RALGAPA2: variants seen among roughly 807,000 people sequenced by gnomAD.
RALGAPA2 encodes the protein ral GTPase-activating protein subunit alpha-2.
RALGAPA2 carries 139 observed loss-of-function variants against 230.4 expected under a neutral mutation model. The observed-to-expected ratio is 0.60, with a 90% confidence interval of 0.53 to 0.69. The LOEUF (loss-of-function observed/expected upper bound fraction) is 0.69, where lower values mean the gene tolerates loss of function less well. RALGAPA2 is among the 30% of genes least tolerant of loss of function. RALGAPA2 has a pLI of 0.00. For missense variants in RALGAPA2, 2,163 were observed against 2,276.0 expected, an observed-to-expected ratio of 0.95 and a Z score of 1.01; for synonymous variants, 847 against 837.8, an observed-to-expected ratio of 1.01 and a Z score of -0.19.
intron 16 of RALGAPA2, among the ~76,000 whole-genome samples, chr20:20,600,884 G>C (rs934846006): frequency 1.3e-5 from 2 of 152,120 alleles, no homozygotes; most frequent in African/African-American, 4.8e-5. Flanking sequence ...GGCAGATCAC[G>C]AGGTCAGGAA....
Position 20,512,728 on chromosome 20 carries a change from T to C in RALGAPA2, c.4641A>G (p.Leu1547=). ...GGTCATAGTTCATGCCACATGGGGT[T>C]AGGGAAGGTTCATTTAGATTTAGCT... is the stretch of plus-strand genomic sequence containing the variant. ...PSQLNLNEPS[L]TPCGMNYDQE... is the part of the protein sequence containing the mutation. Residue 1547 remains leucine, a synonymous_variant, in exon 32 of 40, where the codon CTA becomes CTG. Transcript: ENST00000202677. 3.7e-6 allele frequency: 6 copies of C among 1,613,912 alleles called. No individual in the cohort carries two copies. The highest frequency in any genetic ancestry group is 5.1e-6 in the Non-Finnish European group (6 of 1,179,790).
intron 4 of RALGAPA2, among the ~76,000 whole-genome samples, chr20:20,643,889 C>T (rs1231233080): frequency 6.6e-6 from 1 of 151,764 alleles, no homozygotes; most frequent in Non-Finnish European, 1.5e-5. Context: ...AAAACAATTG[C>T]TCACAAAACA....
intron 16 of RALGAPA2, among the ~76,000 whole-genome samples, chr20:20,597,517 C>T (rs767789613): frequency 2.0e-5 from 3 of 152,014 alleles, no homozygotes; most frequent in Non-Finnish European, 4.4e-5. Context: ...TTTTGCTTTG[C>T]TAAAACACAG....
intron 12 of RALGAPA2, among the ~76,000 whole-genome samples, chr20:20,616,470 G>A (rs2066145011): frequency 6.6e-6 from 1 of 152,092 alleles, no homozygotes. Context: ...GAAATTTTAT[G>A]AGTCAGAAAA....
At chr20:20,566,954 T>C (rs1447550487) in intron 23 of RALGAPA2, among the ~76,000 whole-genome samples, 2 of 152,192 alleles carry the variant, frequency 1.3e-5, no homozygotes, top group African/African-American at 4.8e-5. Flanking sequence ...AAACACAATA[T>C]TATAGATGAA....
chr20:20,614,016 G>A (rs2066057613), intron 13 of RALGAPA2, among the ~76,000 whole-genome samples: 3 of 152,228 alleles, frequency 2.0e-5, no homozygotes, highest in Admixed American at 1.3e-4. Context: ...TACATAGTTC[G>A]CCACTATATT....
At chr20:20,618,494 C>T (rs902680197) in intron 12 of RALGAPA2, among the ~76,000 whole-genome samples, 1 of 151,748 alleles carries the variant, frequency 6.6e-6, no homozygotes, top group African/African-American at 2.4e-5. Context: ...AAAAAGGATA[C>T]CACGAAAATG....
chr20:20,445,015 A>G (rs1302984324), intron 37 of RALGAPA2, among the ~76,000 whole-genome samples: 6 of 152,238 alleles, frequency 3.9e-5, no homozygotes, highest in Non-Finnish European at 8.8e-5. Flanking sequence ...ATTTTACTCA[A>G]TAATGTCCCC....
chr20:20,579,908 T>C (rs1308941697), intron 20 of RALGAPA2, among the ~76,000 whole-genome samples: 1 of 152,200 alleles, frequency 6.6e-6, no homozygotes, highest in Non-Finnish European at 1.5e-5. Context: ...TTTTATCTTC[T>C]GTTCCATCCG....
rs569249161 is a variant in RALGAPA2, at chr20:20,402,610, C to T, written c.5618-5876G>A. Among the ~76,000 whole-genome samples, 12 of 152,310 alleles carry T rather than the reference C, an allele frequency of 7.9e-5. 1 individual carries two copies. The South Asian group carries it at 2.3e-3, about 29-fold the overall frequency. On this transcript the variant is annotated intron_variant, in intron 38 of 39. Transcript: ENST00000202677. The stretch of plus-strand genomic sequence containing the variant: ...CACCGCTGAGGGCCCCTCTAGTGCC[C>T]CCCAGGGAATGTTCAGGCAGAACAC...
rs1300536666 is a variant in RALGAPA2, at chr20:20,563,210, TA to T, written c.3156+8247del. 2.0e-5 allele frequency among the ~76,000 whole-genome samples: 3 copies of T among 152,344 alleles called. No individual in the cohort carries two copies. In the East Asian group the frequency reaches 5.8e-4, roughly 29 times the overall value. ...CAAACTTGGAAGTTTTGTTTATTGC[TA>T]CAGTAAACTCCCCTTATATTCAATA... On this transcript the variant is annotated intron_variant, in intron 23 of 39. Transcript: ENST00000202677.
At chr20:20,479,842 A>G (rs900381487) in intron 36 of RALGAPA2, among the ~76,000 whole-genome samples, 1 of 152,240 alleles carries the variant, frequency 6.6e-6, no homozygotes, top group Non-Finnish European at 1.5e-5. Context: ...ATTTTTTTAG[A>G]TGGTATAACT....
At chr20:20,455,984 C>G (rs1340290148) in intron 37 of RALGAPA2, among the ~76,000 whole-genome samples, 1 of 152,204 alleles carries the variant, frequency 6.6e-6, no homozygotes, top group East Asian at 1.9e-4. Flanking sequence ...TCAAGGAAAT[C>G]AAGTGTAACA....
intron 28 of RALGAPA2, among the ~76,000 whole-genome samples, chr20:20,525,707 G>C (rs190774824): frequency 3.9e-5 from 6 of 152,298 alleles, no homozygotes; most frequent in African/African-American, 1.4e-4. Context: ...AAGCACACTT[G>C]GATGCAAGTG....
chr20:20,501,318 A>G (rs758353357), intron 35 of RALGAPA2, among the ~76,000 whole-genome samples: 21 of 152,252 alleles, frequency 1.4e-4, no homozygotes, highest in Non-Finnish European at 2.5e-4. Flanking sequence ...AGCCACCTCC[A>G]TCAGTGATCT....
intron 1 of RALGAPA2, among the ~76,000 whole-genome samples, chr20:20,711,131 G>A (rs1417515815): frequency 1.3e-5 from 2 of 152,164 alleles, no homozygotes; most frequent in Non-Finnish European, 2.9e-5. Flanking sequence ...GTAACCTCAA[G>A]GTATGTGAGA....
At chr20:20,669,328 A>C (rs1203521320) in intron 3 of RALGAPA2, among the ~76,000 whole-genome samples, 1 of 152,210 alleles carries the variant, frequency 6.6e-6, no homozygotes. Flanking sequence ...ATATTGTCTT[A>C]TTCTCTGTAT....
At chr20:20,602,782 G>A (rs2065695705) in intron 15 of RALGAPA2, among the ~76,000 whole-genome samples, 1 of 152,072 alleles carries the variant, frequency 6.6e-6, no homozygotes, top group African/African-American at 2.4e-5. Flanking sequence ...ATGAATCTGT[G>A]GGTAGGAAGA....
chr20:20,596,192 T>C (rs963017867), intron 16 of RALGAPA2, among the ~76,000 whole-genome samples: 3 of 152,216 alleles, frequency 2.0e-5, no homozygotes, highest in Non-Finnish European at 4.4e-5. Context: ...ATTCTGCTGC[T>C]GCCGCCAAAT....
Sources: gnomAD v4.1 joint callset for allele counts (sites outside exome capture counted in the v4.1 genomes callset) on GRCh38, gnomAD v4.1.1 for gene constraint, MANE v1.5 for transcripts, NCBI Gene and HGNC (gene_info 2026-07-23, HGNC 2026-07-21) for gene names.